TAX1BP1: variants seen among roughly 807,000 people sequenced by gnomAD.
TAX1BP1 encodes the protein Tax1 binding protein 1.
Under a neutral mutation model 97.7 loss-of-function variants are expected in TAX1BP1, and 62 were observed. The observed-to-expected ratio is 0.63, with a 90% CI of 0.52 to 0.78. The LOEUF is 0.78. Ranked by LOEUF, TAX1BP1 falls within the 30% of genes least tolerant of loss-of-function variation. TAX1BP1 has a pLI of 0.00. For missense variants in TAX1BP1, 867 were observed against 916.1 expected, an observed-to-expected ratio of 0.95 and a Z score of 0.69; for synonymous variants, 340 against 304.2, an observed-to-expected ratio of 1.12 and a Z score of -1.23.
intron 2 of TAX1BP1, among the ~76,000 whole-genome samples, chr7:27,753,746 A>G (rs966838682): frequency 1.3e-5 from 2 of 151,772 alleles, no homozygotes; most frequent in African/African-American, 2.4e-5. Context: ...CAGATCTTTC[A>G]CTTAACCAAA....
intron 7 of TAX1BP1, among the ~76,000 whole-genome samples, chr7:27,786,915 A>G (rs1789507334): frequency 6.6e-6 from 1 of 152,204 alleles, no homozygotes; most frequent in African/African-American, 2.4e-5. Context: ...AGTCATGGGA[A>G]AATCAATATA....
At chr7:27,809,035 G>C (rs1790449355) in intron 13 of TAX1BP1, among the ~76,000 whole-genome samples, 1 of 150,424 alleles carries the variant, frequency 6.6e-6, no homozygotes, top group Non-Finnish European at 1.5e-5. Flanking sequence ...CATTATTGTA[G>C]TTATCAAAAT....
intron 13 of TAX1BP1, among the ~76,000 whole-genome samples, chr7:27,809,764 G>A (rs889641431): frequency 1.3e-5 from 2 of 152,006 alleles, no homozygotes; most frequent in Non-Finnish European, 2.9e-5. Context: ...TTGCTTGACT[G>A]TACCAATGCA....
In TAX1BP1 at chr7:27,793,199, T is replaced by A. The variant is rs764829075; in HGVS notation, c.1397T>A (p.Leu466His). 18 of 1,583,932 alleles carry A rather than the reference T, an allele frequency of 1.1e-5. No individual in the cohort carries two copies. In the African/African-American group the frequency reaches 2.5e-4, roughly 22 times the overall value. The change falls in exon 10 of 17, where the codon CTT (leucine) becomes CAT (histidine). Residue 466 changes from leucine to histidine, a missense_variant. By Grantham distance (99) the Leu-to-His change is moderately conservative (BLOSUM62 -3). Around this residue, in one of 3 missense-constraint regions of TAX1BP1, gnomAD observed 822 missense variants for 851.4 expected, o/e 0.97. Coordinates refer to ENST00000396319, the MANE Select transcript of TAX1BP1 (RefSeq NM_006024.7). ...AGGCTCCAAAAACAAATAAACAAAC[T>A]TTCAGATCAATCAGTAAGTATCATT... ...CQRLQKQINK[L>H]SDQSANNNNV...
chr7:27,823,438 C>G (rs1791054127), intron 15 of TAX1BP1, among the ~76,000 whole-genome samples: 1 of 152,130 alleles, frequency 6.6e-6, no homozygotes, highest in Non-Finnish European at 1.5e-5. Flanking sequence ...ATATTAATTA[C>G]TAATTCCTGA....
At chr7:27,752,410 G>A (rs915032715) in intron 2 of TAX1BP1, among the ~76,000 whole-genome samples, 1 of 152,196 alleles carries the variant, frequency 6.6e-6, no homozygotes, top group East Asian at 1.9e-4. Flanking sequence ...GCAATTTTAT[G>A]ACTTTTTCCA....
At chr7:27,750,154 G>C (rs1787970136) in intron 2 of TAX1BP1, among the ~76,000 whole-genome samples, 1 of 152,138 alleles carries the variant, frequency 6.6e-6, no homozygotes, top group African/African-American at 2.4e-5. Flanking sequence ...ATTGAGAACT[G>C]ATGTTTTCTG....
chr7:27,780,815 A>G (rs1789225769), intron 5 of TAX1BP1, among the ~76,000 whole-genome samples: 1 of 152,066 alleles, frequency 6.6e-6, no homozygotes, highest in South Asian at 2.1e-4. Flanking sequence ...AACTCATAAT[A>G]TATTATTTCT....
chr7:27,820,390 G>A (rs188920914), intron 15 of TAX1BP1, among the ~76,000 whole-genome samples: 4 of 152,130 alleles, frequency 2.6e-5, no homozygotes, highest in African/African-American at 9.7e-5. Context: ...AGAAGCGTCT[G>A]TTACTCCAAA....
At chr7:27,742,472 A>G (rs948115287) in intron 1 of TAX1BP1, among the ~76,000 whole-genome samples, 1 of 152,210 alleles carries the variant, frequency 6.6e-6, no homozygotes, top group East Asian at 1.9e-4. Context: ...CACATGTTTC[A>G]GAGAGCACGG....
chr7:27,815,540 C>T (rs1411625119), intron 13 of TAX1BP1, among the ~76,000 whole-genome samples: 1 of 151,950 alleles, frequency 6.6e-6, no homozygotes, highest in Non-Finnish European at 1.5e-5. Flanking sequence ...GTTTGACGTG[C>T]TATAAGTTAA....
chr7:27,741,629 T>A (rs1239392252), intron 1 of TAX1BP1, among the ~76,000 whole-genome samples: 2 of 151,924 alleles, frequency 1.3e-5, no homozygotes, highest in Non-Finnish European at 2.9e-5. Context: ...GCCTCCTGAG[T>A]ACCTGGGATT....
chr7:27,795,146 A>T (rs1421339878), intron 11 of TAX1BP1, among the ~76,000 whole-genome samples: 1 of 152,224 alleles, frequency 6.6e-6, no homozygotes, highest in African/African-American at 2.4e-5. Context: ...TGATCTTTTA[A>T]GTCTTTTTAA....
intron 1 of TAX1BP1, among the ~76,000 whole-genome samples, chr7:27,746,750 T>G: frequency 6.6e-6 from 1 of 152,012 alleles, no homozygotes; most frequent in Non-Finnish European, 1.5e-5. Flanking sequence ...AAACCTCAGG[T>G]AGGGAGAGGC....
intron 2 of TAX1BP1, among the ~76,000 whole-genome samples, chr7:27,752,969 A>G (rs1464464421): frequency 6.6e-6 from 1 of 152,254 alleles, no homozygotes; most frequent in Non-Finnish European, 1.5e-5. Flanking sequence ...CTTTAGTGAC[A>G]GAATTGAAGT....
In TAX1BP1 at chr7:27,765,753, C is replaced by T; in HGVS notation, c.266-81C>T. On this transcript the variant is annotated intron_variant, in intron 3 of 16. Transcript: ENST00000396319. Reference sequence around the variant, plus strand: ...GTCAAGAACAGTGTGGGGAATGAGACATGGCAAGTATTGTTAAATTGAAAT... The same window carrying T: ...GTCAAGAACAGTGTGGGGAATGAGATATGGCAAGTATTGTTAAATTGAAAT... The T allele has an allele frequency of 4.9e-6, 6 of 1,219,892 alleles. No individual in the cohort carries two copies. In the South Asian group the frequency reaches 8.3e-5, roughly 17 times the overall value. 75.6% of individuals were successfully genotyped at this position (1,219,892 alleles called of 1,614,324 possible).
chr7:27,816,786 C>A (rs1327476199), intron 14 of TAX1BP1, 104 bp from the exon 15 acceptor site: 12 of 1,392,392 alleles, frequency 8.6e-6, no homozygotes, highest in Non-Finnish European at 1.2e-5. Context: ...CTATTTTTTT[C>A]ACATGCCAAA....
chr7:27,748,851 G>C (rs992680627), intron 2 of TAX1BP1, among the ~76,000 whole-genome samples, 165 bp downstream of exon 2: 4 of 152,098 alleles, frequency 2.6e-5, no homozygotes, highest in Non-Finnish European at 4.4e-5. Flanking sequence ...TGGATGTTGG[G>C]AACTCCATTT....
chr7:27,825,351 G>C (rs1011317870), intron 15 of TAX1BP1, among the ~76,000 whole-genome samples: 1 of 151,238 alleles, frequency 6.6e-6, no homozygotes, highest in African/African-American at 2.4e-5. Context: ...GAGTAAAATA[G>C]AATAAATGTA....
Sources: allele counts gnomAD v4.1 joint callset (sites outside exome capture counted in the v4.1 genomes callset), GRCh38; gene constraint gnomAD v4.1.1; regional missense constraint gnomAD v4.1.1; transcripts MANE v1.5; gene names NCBI Gene and HGNC (gene_info 2026-07-23, HGNC 2026-07-21).